Variants in KIF1A observed in about 807,000 individuals in gnomAD.
KIF1A encodes the protein kinesin family member 1A.
KIF1A carries 46 observed loss-of-function variants against 227.3 expected under a neutral mutation model. That is an observed-to-expected ratio of 0.20 (90% CI 0.16 to 0.26). The LOEUF is 0.26. KIF1A is among the 10% of genes least tolerant of loss of function. The pLI, the probability that KIF1A is intolerant of heterozygous loss-of-function variation, is 1.00. For synonymous variants in KIF1A, 1,022 were observed against 1,012.8 expected (o/e 1.01, Z -0.17); for missense variants, 1,683 against 2,485.9 (o/e 0.68, Z 6.87).
In KIF1A at chr2:240,793,005, C is replaced by A. The variant is rs933030959; in HGVS notation, c.107-3693G>T. On this transcript the variant is annotated intron_variant, in intron 2 of 48. Coordinates refer to ENST00000498729, the MANE Select transcript of KIF1A (RefSeq NM_001244008.2). This position sits in a 1 kb window ranked among gnomAD's most constrained non-coding sequence, Gnocchi z 4.8. The stretch of plus-strand genomic sequence containing the variant: ...CCCACTCTGCAGCGCACCTGGACCT[C>A]CGAGTCTGGCCTCCAGAACAGGGGG... Among the ~76,000 whole-genome samples, 5 of 152,164 alleles carry A rather than the reference C, an allele frequency of 3.3e-5. No homozygotes were observed. Among genetic ancestry groups the A allele is most frequent in the African/African-American group, 1.2e-4 (5 of 41,420 alleles).
At chr2:240,762,885 G>A in intron 22 of KIF1A, 73 bp from the exon 23 acceptor site, 1 of 1,446,798 alleles carries the variant, frequency 6.9e-7, no homozygotes, top group Non-Finnish European at 9.4e-7. Context: ...CCTAGACAGT[G>A]GGCCTCACCA....
chr2:240,819,472 C>A (rs2058566034), intron 1 of KIF1A, among the ~76,000 whole-genome samples: 1 of 152,094 alleles, frequency 6.6e-6, no homozygotes, highest in Non-Finnish European at 1.5e-5. Flanking sequence ...GCAGGCCGGC[C>A]GTGCAACGAA....
In KIF1A at chr2:240,757,439, TC is replaced by T; in HGVS notation, c.2737del (p.Glu913ArgfsTer38). The T allele has an allele frequency of 6.5e-7, 1 of 1,548,908 alleles. No individual in the cohort carries two copies. Among genetic ancestry groups the T allele is most frequent in the Non-Finnish European group, 8.7e-7 (1 of 1,146,040 alleles). ...CTCCTCCTCATCCTCCTCCTCCTCC[TC>T]CTCCTCCTCCTCCTCCCCCACGCTC... ...EQSVGEEEEEEEEEEDEEEED... is the reference protein window; with the variant it reads ...EQSVGEEEEEXEEEEDEEEED... On this transcript the variant is annotated frameshift_variant, in exon 27 of 49. Coordinates refer to ENST00000498729, the MANE Select transcript of KIF1A (RefSeq NM_001244008.2). LOFTEE classifies it high-confidence loss of function. The surrounding 1 kb of genome is among the most constrained non-coding windows in gnomAD (Gnocchi z 6.2).
chr2:240,786,765 G>GGAC (rs2054915595), intron 5 of KIF1A, among the ~76,000 whole-genome samples: 1 of 117,722 alleles, frequency 8.5e-6, no homozygotes, highest in Non-Finnish European at 1.9e-5. Context: ...AGAGGGTAGG[G>GGAC]GCCACCATCA....
In KIF1A at chr2:240,717,428, C is replaced by T. The variant is rs747320289; in HGVS notation, c.5334-22G>A. 3.7e-5 allele frequency: 60 copies of T among 1,608,648 alleles called. No individual in the cohort carries two copies. The Middle Eastern group carries it at 5.0e-4, about 13-fold the overall frequency. On this transcript the variant is annotated intron_variant, in intron 48 of 48. Transcript: ENST00000498729. ...GGACCTGCAGAAGAGTTGGGAGAGG[C>T]GGCGTGGTCAGGCCAGGAACACCTG... is the stretch of plus-strand genomic sequence containing the variant.
In KIF1A at chr2:240,775,801, C is replaced by T. The variant is rs898524844; in HGVS notation, c.958+50G>A. ...CCCTCAGTGGGGAAGAAGGGCACAG[C>T]CCAGGGTGGGATCAGAGCCCTGGGG... is the stretch of plus-strand genomic sequence containing the variant. On this transcript the variant is annotated intron_variant, in intron 11 of 48. Transcript: ENST00000498729. This position sits in a 1 kb window ranked among gnomAD's most constrained non-coding sequence, Gnocchi z 5.5. 4.8e-6 allele frequency: 6 copies of T among 1,258,644 alleles called. No individual in the cohort carries two copies. The African/African-American group carries it at 5.9e-5, about 12-fold the overall frequency. 78.0% of individuals were successfully genotyped at this position (1,258,644 alleles called of 1,614,324 possible).
intron 45 of KIF1A, 186 bp from the exon 46 acceptor site, chr2:240,720,112 G>A (rs969057533): frequency 4.3e-5 from 22 of 506,924 alleles, no homozygotes; most frequent in African/African-American, 1.6e-4. Context: ...GCTTGTGCCC[G>A]ATTCCAGGAA....
intron 34 of KIF1A, among the ~76,000 whole-genome samples, chr2:240,742,250 C>CTT (rs2048062632): frequency 6.6e-6 from 1 of 152,192 alleles, no homozygotes; most frequent in Non-Finnish European, 1.5e-5. Context: ...CCACCAGCTG[C>CTT]AGAAGCAGCT....
chr2:240,765,472 T>A (rs1348393922), intron 20 of KIF1A, among the ~76,000 whole-genome samples: 1 of 152,234 alleles, frequency 6.6e-6, no homozygotes, highest in Admixed American at 6.5e-5. Context: ...ACGGACTCAG[T>A]GTCTCGGGGC....
At chr2:240,818,773 G>C (rs921856425) in intron 1 of KIF1A, 1 of 152,358 alleles carries the variant, frequency 6.6e-6, no homozygotes, top group Non-Finnish European at 1.5e-5. Context: ...GCACGGTGTC[G>C]CGCTGTGCGT....
In KIF1A at chr2:240,761,180, G is replaced by A. The variant is rs375693782; in HGVS notation, c.2265+49C>T. 58 of 1,569,162 alleles carry A rather than the reference G, an allele frequency of 3.7e-5. No individual in the cohort carries two copies. The African/African-American group carries it at 6.9e-4, about 19-fold the overall frequency. On this transcript the variant is annotated intron_variant, in intron 24 of 48. Coordinates refer to ENST00000498729, the MANE Select transcript of KIF1A (RefSeq NM_001244008.2). ...AGTAGCTGTCCCCGTCATGAGTGAG[G>A]TGACACACTCTCTCCAACAGGAAAC...
At chr2:240,784,843 C>A in intron 7 of KIF1A, 146 bp downstream of exon 7, 1 of 650,394 alleles carries the variant, frequency 1.5e-6, no homozygotes, top group Non-Finnish European at 2.7e-6. Flanking sequence ...ACACCTGGTG[C>A]CAGTGTAAGT....
rs1197147407 is a variant in KIF1A at position 240,773,268 on chromosome 2, A to C, written c.1038-12T>G. On this transcript the variant is annotated splice_polypyrimidine_tract_variant and intron_variant, in intron 12 of 48. Coordinates refer to ENST00000498729, the MANE Select transcript of KIF1A (RefSeq NM_001244008.2). ...CCCGGTCAGCATACCTGGGTGGCAG[A>C]GGGGGCTGTGGGCTGTGCTCGGGAC... is the stretch of plus-strand genomic sequence containing the variant. 6.2e-7 allele frequency: 1 copy of C among 1,613,726 alleles called. No individual in the cohort carries two copies. The highest frequency in any genetic ancestry group is 8.5e-7 in the Non-Finnish European group (1 of 1,179,784).
chr2:240,722,829 G>A (rs2045566805), intron 42 of KIF1A, among the ~76,000 whole-genome samples, 173 bp from the exon 43 acceptor site: 1 of 152,088 alleles, frequency 6.6e-6, no homozygotes, highest in Non-Finnish European at 1.5e-5. Flanking sequence ...ACAGACCCTG[G>A]CGCCCCGGGG....
chr2:240,758,405 C>G lies in KIF1A; in HGVS notation c.2537G>C (p.Gly846Ala). Residue 846 changes from glycine (G) to alanine (A), a missense_variant, in exon 26 of 49, where the codon GGA becomes GCA. Around this residue, in one of 12 missense-constraint regions of KIF1A, gnomAD observed 759 missense variants for 1,020.2 expected, o/e 0.74. Transcript: ENST00000498729. The surrounding 1 kb of genome is among the most constrained non-coding windows in gnomAD (Gnocchi z 5.2). ...IEDCDNVVTG[G>A]DPFYDRFPWF... ...GGGGAAGCGGTCATAGAAGGGGTCT[C>G]CGCCGGTCACCACGTTGTCACAGTC... The G allele has an allele frequency of 6.2e-7, 1 of 1,613,050 alleles. No homozygotes were observed. The highest frequency in any genetic ancestry group is 8.5e-7 in the Non-Finnish European group (1 of 1,179,430).
Position 240,719,818 on chromosome 2 carries a change from C to T in KIF1A, c.4977G>A (p.Glu1659=), listed in dbSNP as rs992259915. The change falls in exon 46 of 49, where the codon GAG becomes GAA. Residue 1659 remains glutamate (E), a synonymous_variant. Coordinates refer to ENST00000498729, the MANE Select transcript of KIF1A (RefSeq NM_001244008.2). Reference sequence around the variant, plus strand: ...TGTCAGGGACCAGCAGGCGCTGGGGCTCCTTGTCTGTCTCTGTTGCCCGGG... The same window carrying T: ...TGTCAGGGACCAGCAGGCGCTGGGGTTCCTTGTCTGTCTCTGTTGCCCGGG... ...SPARATETDK[E]PQRLLVPDIQ... 5.0e-6 allele frequency: 8 copies of T among 1,609,598 alleles called. No individual in the cohort carries two copies. The East Asian group carries it at 8.9e-5, about 18-fold the overall frequency.
In KIF1A at chr2:240,739,980, C is replaced by T. The variant is rs941227350; in HGVS notation, c.3901+78G>A. Reference sequence around the variant, plus strand: ...CAGACGCAGAGGTGTGGTTAGAACCCGGGTATCCAGCTCAGGGCCTGTACT... The same window carrying T: ...CAGACGCAGAGGTGTGGTTAGAACCTGGGTATCCAGCTCAGGGCCTGTACT... On this transcript the variant is annotated intron_variant, in intron 37 of 48. Transcript: ENST00000498729. This position sits in a 1 kb window ranked among gnomAD's most constrained non-coding sequence, Gnocchi z 5.6. 9 of 1,157,080 alleles carry T rather than the reference C, an allele frequency of 7.8e-6. No homozygotes were observed. Among genetic ancestry groups the T allele is most frequent in the Admixed American group, 2.0e-5 (1 of 50,022 alleles). 71.7% of individuals were successfully genotyped at this position (1,157,080 alleles called of 1,614,324 possible). A position where few individuals can be genotyped will look rare whatever the true frequency, so the allele number is the denominator to read the frequency against.
At chr2:240,784,918 C>T in intron 7 of KIF1A, 71 bp downstream of exon 7, 3 of 1,299,000 alleles carry the variant, frequency 2.3e-6, no homozygotes, top group Non-Finnish European at 3.3e-6. Context: ...CCCCACTGGC[C>T]TGACCACCAC....
chr2:240,750,585 T>C (rs1282286249), intron 27 of KIF1A, 38 bp from the exon 28 acceptor site: 1 of 1,443,798 alleles, frequency 6.9e-7, no homozygotes, highest in Non-Finnish European at 9.7e-7. Context: ...GGGCCACCCC[T>C]CCACGCATGT....
Sources: allele counts gnomAD v4.1 joint callset (sites outside exome capture counted in the v4.1 genomes callset), GRCh38; gene constraint gnomAD v4.1.1; regional missense constraint gnomAD v4.1.1; non-coding constraint Gnocchi (gnomAD v3.1); transcripts MANE v1.5; gene names NCBI Gene and HGNC (gene_info 2026-07-23, HGNC 2026-07-21).